The following ZFAND2B variants were observed in gnomAD, a reference collection of about 807,000 sequenced individuals.
ZFAND2B encodes the protein AN1-type zinc finger protein 2B.
In ZFAND2B, 27 loss-of-function variants were observed where a neutral mutation model predicts 38.2. The ratio of observed to expected loss-of-function variants is 0.71; its 90% CI spans 0.52 to 0.97. The LOEUF is 0.97. Among genes scored for constraint, ZFAND2B ranks in the 50% least tolerant of loss-of-function variants. The pLI is 0.00. For missense variants in ZFAND2B, 303 were observed against 331.5 expected, an observed-to-expected ratio of 0.91 and a Z score of 0.67; for synonymous variants, 111 against 119.4, an observed-to-expected ratio of 0.93 and a Z score of 0.46.
chr2:219,209,295 A>G lies in ZFAND2B; in HGVS notation c.763A>G (p.Ser255Gly), dbSNP rs775493182. 4 of 1,610,926 alleles carry G rather than the reference A, an allele frequency of 2.5e-6. No individual in the cohort carries two copies. Among genetic ancestry groups the G allele is most frequent in the African/African-American group, 1.3e-5 (1 of 74,874 alleles). ...QSRSSKPSNC[S>G]LC ...CCGCAGCTCGAAGCCGTCCAACTGCAGCCTGTGCTAGGGCCCTGGGCTTGG... is the reference window on the plus strand; with the variant it reads ...CCGCAGCTCGAAGCCGTCCAACTGCGGCCTGTGCTAGGGCCCTGGGCTTGG... Residue 255 changes from serine (S) to glycine (G), a missense_variant, in exon 9 of 9, where the codon AGC becomes GGC. Ser to Gly is a moderately conservative substitution (Grantham distance 56). Transcript: ENST00000289528.
chr2:219,209,239 T>A, intron 8 of ZFAND2B, 23 bp from the exon 9 acceptor site: 2 of 1,600,072 alleles, frequency 1.2e-6, no homozygotes, highest in East Asian at 2.2e-5. Flanking sequence ...TGTCTTCCCC[T>A]CCTTCCCCTC....
At position 219,207,906 on chromosome 2, in the gene ZFAND2B, AACGCGCTGG is replaced by A. The variant is rs1950512460; in HGVS notation, c.303_311del (p.Glu101_Gly104delinsAsp). On this transcript the variant is annotated inframe_deletion, in exon 4 of 9. Transcript: ENST00000289528. ...CCTCAGATCTTCACCAATAAGTGTG[AACGCGCTGG>A]CTGCCGGCAGCGAGAAATGATGAAA... 6.2e-7 allele frequency: 1 copy of A among 1,614,148 alleles called. No homozygotes were observed. Among genetic ancestry groups the A allele is most frequent in the South Asian group, 1.1e-5 (1 of 91,086 alleles).
chr2:219,207,972 G>GC lies in ZFAND2B; in HGVS notation c.369dup (p.Ile124HisfsTer10). Reference sequence around the variant, plus strand: ...TGTGAACGCTGTAGCCGAAACTTCTGCATCAAGCACCGGCATCCACTGGAC... The same window carrying GC: ...TGTGAACGCTGTAGCCGAAACTTCTGCCATCAAGCACCGGCATCCACTGGAC... On this transcript the variant is annotated frameshift_variant, in exon 4 of 9. Coordinates refer to ENST00000289528, the MANE Select transcript of ZFAND2B (RefSeq NM_138802.3). LOFTEE classifies it high-confidence loss of function. The GC allele has an allele frequency of 6.2e-7, 1 of 1,614,134 alleles. No individual in the cohort carries two copies. The highest frequency in any genetic ancestry group is 8.5e-7 in the Non-Finnish European group (1 of 1,180,032).
chr2:219,208,928 A>C, intron 7 of ZFAND2B, 49 bp from the exon 8 acceptor site: 1 of 1,594,820 alleles, frequency 6.3e-7, no homozygotes, highest in Non-Finnish European at 8.6e-7. Context: ...TCAGATGTTC[A>C]AATTTCAGAT....
At position 219,206,951 on chromosome 2, in the gene ZFAND2B, T is replaced by C. The variant is rs1278514415; in HGVS notation, c.-37T>C. 6.2e-7 allele frequency: 1 copy of C among 1,610,200 alleles called. No homozygotes were observed. Among genetic ancestry groups the C allele is most frequent in the African/African-American group, 1.3e-5 (1 of 74,744 alleles). ...CACGAGCCCTAAAGACGCTCAGCAC[T>C]CGTCGCTTCTCCTAGCAGACCCTGC... On this transcript the variant is annotated 5_prime_UTR_variant, in exon 1 of 9. Coordinates refer to ENST00000289528, the MANE Select transcript of ZFAND2B (RefSeq NM_138802.3).
Position 219,208,248 on chromosome 2 carries a change from C to T in ZFAND2B, c.435-8C>T, listed in dbSNP as rs775157430. On this transcript the variant is annotated splice_region_variant and splice_polypyrimidine_tract_variant and intron_variant, in intron 4 of 8. Transcript: ENST00000289528. Reference sequence around the variant, plus strand: ...TGGAGACATGCCAAAAATCTCTCTTCCCTACAGACTTGCTGCCATCTCCAG... The same window carrying T: ...TGGAGACATGCCAAAAATCTCTCTTTCCTACAGACTTGCTGCCATCTCCAG... 6.2e-7 allele frequency: 1 copy of T among 1,614,142 alleles called. No homozygotes were observed. The highest frequency in any genetic ancestry group is 1.1e-5 in the South Asian group (1 of 91,072).
intron 1 of ZFAND2B, 111 bp downstream of exon 1, chr2:219,207,153 A>C: frequency 3.3e-6 from 2 of 613,612 alleles, no homozygotes; most frequent in Non-Finnish European, 2.6e-6. Flanking sequence ...GCGGGGCTTG[A>C]AGCTGGGGGG....
In ZFAND2B at chr2:219,208,083, T is replaced by C. The variant is rs1176370229; in HGVS notation, c.434+45T>C. Reference sequence around the variant, plus strand: ...CCACTTGCTTTTGGGAAGCATTCTTTTGGAACTGACTCAAGCTCTGTTGTT... The same window carrying C: ...CCACTTGCTTTTGGGAAGCATTCTTCTGGAACTGACTCAAGCTCTGTTGTT... On this transcript the variant is annotated intron_variant, in intron 4 of 8. Transcript: ENST00000289528. 5 of 1,613,278 alleles carry C rather than the reference T, an allele frequency of 3.1e-6. No individual in the cohort carries two copies. In the Admixed American group the frequency reaches 8.3e-5, roughly 27 times the overall value.
At chr2:219,207,155 G>C in intron 1 of ZFAND2B, 113 bp downstream of exon 1, 1 of 716,460 alleles carries the variant, frequency 1.4e-6, no homozygotes, top group Non-Finnish European at 2.3e-6. Context: ...GGGGCTTGAA[G>C]CTGGGGGGGG....
intron 4 of ZFAND2B, 86 bp from the exon 5 acceptor site, chr2:219,208,170 A>G: frequency 6.3e-7 from 1 of 1,597,098 alleles, no homozygotes; most frequent in Non-Finnish European, 8.6e-7. Context: ...TTCCTTTTCA[A>G]GTGCATGTTT....
At position 219,207,885 on chromosome 2, in the gene ZFAND2B, A is replaced by G; in HGVS notation, c.283-2A>G. The stretch of plus-strand genomic sequence containing the variant: ...AGAGACAACCTTCTCACTTCACCTC[A>G]GATCTTCACCAATAAGTGTGAACGC... On this transcript the variant is annotated splice_acceptor_variant, in intron 3 of 8. Coordinates refer to ENST00000289528, the MANE Select transcript of ZFAND2B (RefSeq NM_138802.3). LOFTEE classifies it high-confidence loss of function. The G allele has an allele frequency of 6.2e-7, 1 of 1,614,194 alleles. No individual in the cohort carries two copies. Among genetic ancestry groups the G allele is most frequent in the Non-Finnish European group, 8.5e-7 (1 of 1,180,036 alleles).
Position 219,206,792 on chromosome 2 carries a change from C to T in ZFAND2B, c.-196C>T, listed in dbSNP as rs537247671. On this transcript the variant is annotated 5_prime_UTR_variant, in exon 1 of 9. Coordinates refer to ENST00000289528, the MANE Select transcript of ZFAND2B (RefSeq NM_138802.3). ...GCCCTGCGGGATGACGTCAGCGCGC[C>T]GCGCGCGCCGAGGGAGGAGCGGGCG... is the stretch of plus-strand genomic sequence containing the variant. 1.9e-3 allele frequency: 942 copies of T among 485,638 alleles called. 1 individual carries two copies. Among genetic ancestry groups the T allele is most frequent in the Non-Finnish European group, 2.5e-3 (737 of 289,306 alleles). 30.1% of individuals were successfully genotyped at this position (485,638 alleles called of 1,614,324 possible).
rs764512073 is a variant in ZFAND2B at position 219,207,821 on chromosome 2, G to A, written c.282+42G>A. 217 of 1,613,364 alleles carry A rather than the reference G, an allele frequency of 1.3e-4. 1 individual carries two copies. The highest frequency in any genetic ancestry group is 3.0e-4 in the Admixed American group (18 of 60,006). On this transcript the variant is annotated intron_variant, in intron 3 of 8. Coordinates refer to ENST00000289528, the MANE Select transcript of ZFAND2B (RefSeq NM_138802.3). ...TCAGCCACAACCCAGCTGGGACTACGGATGCCTGGAAACCCAAACAGCTAA... is the reference window on the plus strand; with the variant it reads ...TCAGCCACAACCCAGCTGGGACTACAGATGCCTGGAAACCCAAACAGCTAA...
At position 219,207,060 on chromosome 2, in the gene ZFAND2B, CGG is replaced by C. The variant is rs578101473; in HGVS notation, c.55+23_55+24del. On this transcript the variant is annotated intron_variant, in intron 1 of 8. Transcript: ENST00000289528. ...GCGCTTGGGTGAGGGGCGGAGCGCG[CGG>C]GGGGCGGGGCCCAGCGGACAGGGAC... 8 of 1,391,272 alleles carry C rather than the reference CGG, an allele frequency of 5.8e-6. No individual in the cohort carries two copies. Among genetic ancestry groups the C allele is most frequent in the Non-Finnish European group, 7.6e-6 (8 of 1,049,644 alleles). The allele number at this position is 1,391,272 out of a possible 1,614,324, so 86.2% of individuals were successfully genotyped here. A position where few individuals can be genotyped will look rare whatever the true frequency, so the allele number is the denominator to read the frequency against.
intron 3 of ZFAND2B, 27 bp from the exon 4 acceptor site, chr2:219,207,860 A>G (rs1950511383): frequency 6.2e-7 from 1 of 1,613,856 alleles, no homozygotes; most frequent in Non-Finnish European, 8.5e-7. Flanking sequence ...GAGTCTCAGC[A>G]GAGACAACCT....
chr2:219,208,646 T>C lies in ZFAND2B; in HGVS notation c.656+7T>C. On this transcript the variant is annotated splice_region_variant and intron_variant, in intron 7 of 8. Coordinates refer to ENST00000289528, the MANE Select transcript of ZFAND2B (RefSeq NM_138802.3). Reference sequence around the variant, plus strand: ...CCAAACCCCAGGTTCCAAGGTACCTTACCCTCTTGTGAAAGAGAGCGCAAG... The same window carrying C: ...CCAAACCCCAGGTTCCAAGGTACCTCACCCTCTTGTGAAAGAGAGCGCAAG... 1 of 1,613,870 alleles carries C rather than the reference T, an allele frequency of 6.2e-7. No individual in the cohort carries two copies. The highest frequency in any genetic ancestry group is 8.5e-7 in the Non-Finnish European group (1 of 1,179,846).
rs751068857 is a variant in ZFAND2B at position 219,209,526 on chromosome 2, T to C, written c.*220T>C. On this transcript the variant is annotated 3_prime_UTR_variant, in exon 9 of 9. Transcript: ENST00000289528. ...CCCTGGTTGGGCCCTCAGTGGATGCTGGCCAGGCCCTACTCTTAGCCCCTT... is the reference window on the plus strand; with the variant it reads ...CCCTGGTTGGGCCCTCAGTGGATGCCGGCCAGGCCCTACTCTTAGCCCCTT... 20 of 710,322 alleles carry C rather than the reference T, an allele frequency of 2.8e-5. No individual in the cohort carries two copies. Among genetic ancestry groups the C allele is most frequent in the Non-Finnish European group, 7.8e-6 (3 of 383,216 alleles). 44.0% of individuals were successfully genotyped at this position (710,322 alleles called of 1,614,324 possible).
rs1171975276 is a variant in ZFAND2B at position 219,206,898 on chromosome 2, A to G, written c.-90A>G. ...AGGGGCGGGGCAGGGAGCCCGCCAG[A>G]GTGCGGGGTCGCGGTGCGGACTTCG... On this transcript the variant is annotated 5_prime_UTR_variant, in exon 1 of 9. Transcript: ENST00000289528. 1.4e-6 allele frequency: 2 copies of G among 1,386,700 alleles called. No individual in the cohort carries two copies. The highest frequency in any genetic ancestry group is 2.9e-5 in the African/African-American group (2 of 68,196). 85.9% of individuals were successfully genotyped at this position (1,386,700 alleles called of 1,614,324 possible).
chr2:219,206,832 G>T lies in ZFAND2B; in HGVS notation c.-156G>T. 2 of 760,908 alleles carry T rather than the reference G, an allele frequency of 2.6e-6. No individual in the cohort carries two copies. Among genetic ancestry groups the T allele is most frequent in the Non-Finnish European group, 3.8e-6 (2 of 523,052 alleles). The allele number at this position is 760,908 out of a possible 1,614,324, so 47.1% of individuals were successfully genotyped here. On this transcript the variant is annotated 5_prime_UTR_variant, in exon 1 of 9. Transcript: ENST00000289528. Reference sequence around the variant, plus strand: ...AGGAGCGGGCGCCGGGGGCCGGCTGGCGCGGGGGCTCCGGTAACCCGGGCT... The same window carrying T: ...AGGAGCGGGCGCCGGGGGCCGGCTGTCGCGGGGGCTCCGGTAACCCGGGCT...
Sources: gnomAD v4.1 joint callset for allele counts on GRCh38, gnomAD v4.1.1 for gene constraint, MANE v1.5 for transcripts, NCBI Gene and HGNC (gene_info 2026-07-23, HGNC 2026-07-21) for gene names.